Variants in SAMTOR observed in about 807,000 individuals in gnomAD.
The protein encoded by SAMTOR is UPF0532 protein C7orf60.
At chr7:112,939,645 G>A in the SAMTOR span, 7 of 1,613,824 alleles carry the variant, frequency 4.3e-6, no homozygotes, top group East Asian at 6.7e-5. Context: ...ACACCGGAGA[G>A]CTTCTCCTGC....
At chr7:112,830,780 T>C in the SAMTOR span, among the ~76,000 whole-genome samples, 1 of 152,218 alleles carries the variant, frequency 6.6e-6, no homozygotes, top group Non-Finnish European at 1.5e-5. Context: ...CAAAGTTTCA[T>C]ATGAAAGTTA....
the SAMTOR span, among the ~76,000 whole-genome samples, chr7:112,934,579 A>G: frequency 8.7e-3 from 1,327 of 152,314 alleles, 23 homozygotes; most frequent in African/African-American, 0.03. Flanking sequence ...TTAAGCTATT[A>G]TTAACTTTAG....
the SAMTOR span, among the ~76,000 whole-genome samples, chr7:112,842,827 G>C: frequency 6.6e-6 from 1 of 151,964 alleles, no homozygotes; most frequent in South Asian, 2.1e-4. Context: ...ATCAAAAAAG[G>C]CTAGAGGGCC....
the SAMTOR span, among the ~76,000 whole-genome samples, chr7:112,925,099 T>A: frequency 6.6e-6 from 1 of 152,194 alleles, no homozygotes; most frequent in Non-Finnish European, 1.5e-5. Context: ...TTTCCTCAGT[T>A]TTAGCAACAT....
chr7:112,822,031 A>G, the SAMTOR span: 1 of 1,613,746 alleles, frequency 6.2e-7, no homozygotes, highest in East Asian at 2.2e-5. Context: ...TGCATATGTG[A>G]AAATTTTGAG....
At chr7:112,829,103 G>A in the SAMTOR span, among the ~76,000 whole-genome samples, 2 of 152,068 alleles carry the variant, frequency 1.3e-5, no homozygotes, top group African/African-American at 4.8e-5. Context: ...ACCTTTTGGG[G>A]GATTCCAATT....
At chr7:112,848,416 A>G in the SAMTOR span, among the ~76,000 whole-genome samples, 1 of 152,230 alleles carries the variant, frequency 6.6e-6, no homozygotes, top group East Asian at 1.9e-4. Flanking sequence ...TGAGATATAA[A>G]GTTGAGTAAG....
the SAMTOR span, among the ~76,000 whole-genome samples, chr7:112,881,102 G>A: frequency 5.3e-5 from 8 of 152,154 alleles, no homozygotes; most frequent in Admixed American, 2.0e-4. Context: ...TGCTCCTGCC[G>A]CCCACTCCAA....
the SAMTOR span, among the ~76,000 whole-genome samples, chr7:112,832,179 A>AT: frequency 5.9e-4 from 89 of 151,488 alleles, no homozygotes; most frequent in Admixed American, 2.1e-3. Flanking sequence ...GCCCAGCTAC[A>AT]TTTTTTTTAT....
chr7:112,939,554 G>A, the SAMTOR span: 74 of 1,613,400 alleles, frequency 4.6e-5, no homozygotes, highest in African/African-American at 6.1e-4. Flanking sequence ...GGGGTGATGA[G>A]GCCTCCCCTT....
chr7:112,820,320 G>A, the SAMTOR span: 2 of 152,404 alleles, frequency 1.3e-5, no homozygotes, highest in Non-Finnish European at 2.9e-5. Context: ...GAGTAAAGAA[G>A]TGCAGTTTAT....
chr7:112,859,122 A>G, the SAMTOR span, among the ~76,000 whole-genome samples: 5 of 152,220 alleles, frequency 3.3e-5, no homozygotes, highest in East Asian at 3.8e-4. Context: ...TCAAGCTGCA[A>G]TATCAACTTT....
At chr7:112,862,810 T>C in the SAMTOR span, among the ~76,000 whole-genome samples, 2 of 151,736 alleles carry the variant, frequency 1.3e-5, no homozygotes, top group African/African-American at 4.8e-5. Flanking sequence ...ACACCTGTAA[T>C]CCCAGCTACT....
At chr7:112,876,863 T>G in the SAMTOR span, among the ~76,000 whole-genome samples, 13 of 152,314 alleles carry the variant, frequency 8.5e-5, no homozygotes, top group African/African-American at 3.1e-4. Context: ...TTGTTAATCT[T>G]TTCTTTCTCA....
the SAMTOR span, among the ~76,000 whole-genome samples, chr7:112,870,500 G>T: frequency 1.3e-5 from 2 of 152,264 alleles, no homozygotes; most frequent in South Asian, 2.1e-4. Flanking sequence ...GTCGCTAAGA[G>T]AATTCACTGC....
chr7:112,847,138 T>C, the SAMTOR span, among the ~76,000 whole-genome samples: 4 of 152,206 alleles, frequency 2.6e-5, no homozygotes, highest in Non-Finnish European at 5.9e-5. Context: ...CACTAATCCT[T>C]ATGCAAATTC....
At chr7:112,826,193 G>T in the SAMTOR span, among the ~76,000 whole-genome samples, 1 of 152,062 alleles carries the variant, frequency 6.6e-6, no homozygotes, top group African/African-American at 2.4e-5. Context: ...AATGAGTTGG[G>T]AAGTATTCCA....
the SAMTOR span, among the ~76,000 whole-genome samples, chr7:112,855,508 C>T: frequency 6.6e-6 from 1 of 152,098 alleles, no homozygotes. Flanking sequence ...AGGTTTTTGG[C>T]AGAATCTAGT....
At chr7:112,924,942 A>C in the SAMTOR span, among the ~76,000 whole-genome samples, 1 of 152,202 alleles carries the variant, frequency 6.6e-6, no homozygotes, top group East Asian at 1.9e-4. Flanking sequence ...AAAAGAAAAA[A>C]GGGTGAAGTT....
Sources: gnomAD v4.1 joint callset for allele counts (sites outside exome capture counted in the v4.1 genomes callset) on GRCh38, gnomAD v4.1.1 for gene constraint, MANE v1.5 for transcripts, NCBI Gene and HGNC (gene_info 2026-07-23, HGNC 2026-07-21) for gene names.